LAYN: variants seen among roughly 807,000 people sequenced by gnomAD.
LAYN encodes the protein layilin.
Under a neutral mutation model 43.6 loss-of-function variants are expected in LAYN, and 38 were observed. The ratio of observed to expected loss-of-function variants is 0.87; its 90% CI spans 0.67 to 1.14. The LOEUF (loss-of-function observed/expected upper bound fraction) is 1.14. Ranked by LOEUF, LAYN falls within the 50% of genes most tolerant of loss-of-function variation. The pLI is 0.00. For synonymous variants in LAYN, 168 were observed against 172.9 expected, an observed-to-expected ratio of 0.97 and a Z score of 0.22; for missense variants, 479 against 463.8, an observed-to-expected ratio of 1.03 and a Z score of -0.30.
chr11:111,541,835 T>C (rs1213297683), intron 1 of LAYN, among the ~76,000 whole-genome samples: 2 of 152,158 alleles, frequency 1.3e-5, no homozygotes, highest in Non-Finnish European at 2.9e-5. Flanking sequence ...GGGTTAGGGC[T>C]GCGTGGGCTC....
At chr11:111,544,496 C>G (rs1867613239) in intron 2 of LAYN, among the ~76,000 whole-genome samples, 1 of 152,210 alleles carries the variant, frequency 6.6e-6, no homozygotes, top group South Asian at 2.1e-4. Flanking sequence ...GTTGTTCTGG[C>G]TCTCTGGCCT....
intron 1 of LAYN, among the ~76,000 whole-genome samples, chr11:111,542,786 G>A (rs867563659): frequency 2.2e-4 from 33 of 152,238 alleles, no homozygotes; most frequent in African/African-American, 7.7e-4. Flanking sequence ...TATGCTGTGT[G>A]CTCCTGTGGG....
chr11:111,543,906 G>A lies in LAYN; in HGVS notation c.86-17G>A, dbSNP rs1424681370. On this transcript the variant is annotated splice_polypyrimidine_tract_variant and intron_variant, in intron 1 of 6. Transcript: ENST00000375614. ...CTTTTTGAGACACTGAAATAGATTG[G>A]CTTCTTTTTTCTCTAGGGCAGCCAG... 1 of 1,591,828 alleles carries A rather than the reference G, an allele frequency of 6.3e-7. No individual in the cohort carries two copies. Among genetic ancestry groups the A allele is most frequent in the East Asian group, 2.2e-5 (1 of 44,752 alleles).
Position 111,544,144 on chromosome 11 carries a change from C to T in LAYN, c.307C>T (p.Arg103Cys), listed in dbSNP as rs146459063. Reference protein sequence around the residue: ...DGDFWIGLRRREEKQSNSTAC... With the variant: ...DGDFWIGLRRCEEKQSNSTAC... ...TGACTTCTGGATTGGGCTCAGGAGG[C>T]GTGAGGAGAAACAAAGCAATAGCAC... The change falls in exon 2 of 7, where the codon CGT becomes TGT. Residue 103 changes from arginine (R) to cysteine (C), a missense_variant. Coordinates refer to ENST00000375614, the MANE Select transcript of LAYN (RefSeq NM_178834.5). 9.2e-5 allele frequency: 149 copies of T among 1,614,084 alleles called. No homozygotes were observed. The highest frequency in any genetic ancestry group is 1.8e-4 in the Admixed American group (11 of 60,004).
intron 5 of LAYN, among the ~76,000 whole-genome samples, chr11:111,555,986 C>T (rs1867832826): frequency 6.6e-6 from 1 of 152,174 alleles, no homozygotes. Flanking sequence ...CACACTCCAG[C>T]TCATGAGCAC....
chr11:111,551,511 T>A, intron 3 of LAYN: 4 of 439,144 alleles, frequency 9.1e-6, no homozygotes, highest in South Asian at 6.5e-5. Flanking sequence ...TTTACACACC[T>A]TAGCATGCCA....
chr11:111,540,537 G>A (rs935350738), upstream of LAYN: 1 of 447,148 alleles, frequency 2.2e-6, no homozygotes, highest in African/African-American at 2.1e-5. Flanking sequence ...GAAGCTCGGA[G>A]GGGGACAGGG....
At chr11:111,555,020 C>A (rs1453337221) in intron 4 of LAYN, among the ~76,000 whole-genome samples, 187 bp from the exon 5 acceptor site, 1 of 152,130 alleles carries the variant, frequency 6.6e-6, no homozygotes, top group African/African-American at 2.4e-5. Context: ...AAGGGTCTCA[C>A]CAAAAAGACA....
At chr11:111,545,979 C>T (rs780618938) in intron 2 of LAYN, among the ~76,000 whole-genome samples, 7 of 152,298 alleles carry the variant, frequency 4.6e-5, no homozygotes, top group Admixed American at 2.6e-4. Context: ...GTTGAACATT[C>T]GGCAGTAGCA....
At chr11:111,542,791 T>C (rs1474448863) in intron 1 of LAYN, among the ~76,000 whole-genome samples, 1 of 152,244 alleles carries the variant, frequency 6.6e-6, no homozygotes, top group Non-Finnish European at 1.5e-5. Context: ...TGTGTGCTCC[T>C]GTGGGTTAGG....
intron 5 of LAYN, among the ~76,000 whole-genome samples, chr11:111,556,234 G>A (rs565119260): frequency 2.4e-4 from 36 of 152,304 alleles, no homozygotes; most frequent in Non-Finnish European, 3.5e-4. Context: ...ACAGCAGGAC[G>A]TCTGGGAGGA....
rs556023703 is a variant in LAYN at position 111,555,155 on chromosome 11, T to G, written c.575-52T>G. 35 of 1,371,320 alleles carry G rather than the reference T, an allele frequency of 2.6e-5. No individual in the cohort carries two copies. The South Asian group carries it at 4.2e-4, about 16-fold the overall frequency. 84.9% of individuals were successfully genotyped at this position (1,371,320 alleles called of 1,614,324 possible). The stretch of plus-strand genomic sequence containing the variant: ...TTGAACATGGTAGGACCTCAAAGAA[T>G]ACCTGAATTATGCCTTTCTTCAAGT... On this transcript the variant is annotated intron_variant, in intron 4 of 6. Coordinates refer to ENST00000375614, the MANE Select transcript of LAYN (RefSeq NM_178834.5).
chr11:111,547,816 A>G (rs766598723), intron 2 of LAYN, among the ~76,000 whole-genome samples: 1 of 152,098 alleles, frequency 6.6e-6, no homozygotes, highest in African/African-American at 2.4e-5. Context: ...CTTTCCCTGG[A>G]TAAGATATTG....
At chr11:111,555,473 G>A (rs1867821122) in intron 5 of LAYN, among the ~76,000 whole-genome samples, 183 bp downstream of exon 5, 1 of 152,180 alleles carries the variant, frequency 6.6e-6, no homozygotes, top group African/African-American at 2.4e-5. Flanking sequence ...TATGCAGATG[G>A]AACTATCCTA....
At chr11:111,553,556 T>C (rs1591569015) in intron 3 of LAYN, among the ~76,000 whole-genome samples, 1 of 151,050 alleles carries the variant, frequency 6.6e-6, no homozygotes, top group Non-Finnish European at 1.5e-5. Context: ...GAGGCGGAGG[T>C]TGCAGTGAGC....
chr11:111,542,228 G>T (rs887754903), intron 1 of LAYN, among the ~76,000 whole-genome samples: 1 of 152,210 alleles, frequency 6.6e-6, no homozygotes, highest in Non-Finnish European at 1.5e-5. Flanking sequence ...CTTCCCGGGG[G>T]TATCCCTGCC....
chr11:111,540,708 C>A, upstream of LAYN: 1 of 818,470 alleles, frequency 1.2e-6, no homozygotes, highest in Non-Finnish European at 1.8e-6. Context: ...CGCGCCCTCC[C>A]CCCCGCCTCC....
At chr11:111,559,739 G>A (rs568164929) in intron 6 of LAYN, among the ~76,000 whole-genome samples, 2 of 152,202 alleles carry the variant, frequency 1.3e-5, no homozygotes, top group Non-Finnish European at 2.9e-5. Flanking sequence ...GATTACAGGC[G>A]TGGGCCACTG....
intron 1 of LAYN, 128 bp from the exon 2 acceptor site, chr11:111,543,795 T>C (rs1284824939): frequency 2.7e-6 from 2 of 737,288 alleles, no homozygotes; most frequent in Non-Finnish European, 4.4e-6. Flanking sequence ...CCAACTGACA[T>C]GATAACAGTC....
Sources: allele counts gnomAD v4.1 joint callset (sites outside exome capture counted in the v4.1 genomes callset), GRCh38; gene constraint gnomAD v4.1.1; transcripts MANE v1.5; gene names NCBI Gene and HGNC (gene_info 2026-07-23, HGNC 2026-07-21).